The following ANKRD28 variants were observed in gnomAD, a reference collection of about 807,000 sequenced individuals.
The protein encoded by ANKRD28 is serine/threonine-protein phosphatase 6 regulatory ankyrin repeat subunit A.
In ANKRD28, 44 loss-of-function variants were observed where a neutral mutation model predicts 126.5. The observed-to-expected ratio is 0.35, with a 90% confidence interval of 0.27 to 0.45. The LOEUF is 0.45. ANKRD28 is among the 20% of genes least tolerant of loss of function. The pLI is 1.00. For synonymous variants in ANKRD28, 442 were observed against 468.5 expected (o/e 0.94, Z 0.73); for missense variants, 1,110 against 1,316.6 (o/e 0.84, Z 2.43).
chr3:15,707,120 AT>A (rs2071546766), intron 14 of ANKRD28, among the ~76,000 whole-genome samples: 1 of 152,214 alleles, frequency 6.6e-6, no homozygotes, highest in Non-Finnish European at 1.5e-5. Context: ...TATGAAGTAC[AT>A]TTTATAACAT....
At chr3:15,722,047 G>GT (rs575936972) in intron 7 of ANKRD28, among the ~76,000 whole-genome samples, 23 of 152,168 alleles carry the variant, frequency 1.5e-4, no homozygotes, top group African/African-American at 5.3e-4. Flanking sequence ...GCCCAGCCTT[G>GT]TTTTTCTATT....
intron 1 of ANKRD28, among the ~76,000 whole-genome samples, chr3:15,851,894 T>C (rs2061659705): frequency 1.3e-5 from 2 of 152,158 alleles, no homozygotes; most frequent in Non-Finnish European, 2.9e-5. Flanking sequence ...AACTGATGAA[T>C]GGATAAAGAA....
intron 3 of ANKRD28, among the ~76,000 whole-genome samples, chr3:15,757,983 A>AGTCT (rs2058256885): frequency 6.6e-6 from 1 of 152,174 alleles, no homozygotes; most frequent in Non-Finnish European, 1.5e-5. Flanking sequence ...ATCTTGCCAG[A>AGTCT]GTCTGTATGG....
At chr3:15,777,899 CA>C (rs1332491747) in intron 2 of ANKRD28, among the ~76,000 whole-genome samples, 115 of 147,516 alleles carry the variant, frequency 7.8e-4, no homozygotes, top group African/African-American at 2.3e-3. Context: ...CACACACACA[CA>C]CACCCTCTCC....
chr3:15,850,224 T>TATATATATATATATAGAGAG (rs1418223588), intron 1 of ANKRD28, among the ~76,000 whole-genome samples: 39 of 35,082 alleles, frequency 1.1e-3, no homozygotes, highest in Middle Eastern at 0.026. Flanking sequence ...TATATATATA[T>TATATATATATATATAGAGAG]AGAGAGAGAG....
chr3:15,850,224 T>TATATATATATATATATATATAGAGAG (rs1418223588), intron 1 of ANKRD28, among the ~76,000 whole-genome samples: 1 of 35,114 alleles, frequency 2.8e-5, no homozygotes, highest in Admixed American at 4.8e-4. Context: ...TATATATATA[T>TATATATATATATATATATATAGAGAG]AGAGAGAGAG....
At chr3:15,680,993 T>C (rs891672550) in intron 21 of ANKRD28, among the ~76,000 whole-genome samples, 1 of 152,166 alleles carries the variant, frequency 6.6e-6, no homozygotes, top group African/African-American at 2.4e-5. Context: ...GGAAGTATTT[T>C]TGTAGGACAA....
At chr3:15,702,816 AC>A (rs1349262679) in intron 14 of ANKRD28, among the ~76,000 whole-genome samples, 2 of 149,846 alleles carry the variant, frequency 1.3e-5, no homozygotes, top group African/African-American at 2.5e-5. Context: ...AGTTCTTACC[AC>A]CCCCCACCAC....
At chr3:15,800,817 T>C (rs534378522), upstream of ANKRD28, among the ~76,000 whole-genome samples, 3 of 152,086 alleles carry the variant, frequency 2.0e-5, no homozygotes, top group Non-Finnish European at 1.5e-5. Context: ...TGGTATATTA[T>C]AAAATCAAAA....
At chr3:15,850,224 TAGAGAGAGAGAGAGAGAGAGAG>T (rs375278547) in intron 1 of ANKRD28, among the ~76,000 whole-genome samples, 1 of 35,112 alleles carries the variant, frequency 2.8e-5, no homozygotes, top group Non-Finnish European at 6.0e-5. Context: ...TATATATATA[TAGAGAGAGAGAGAGAGAGAGAG>T]AGAGAGAGAG....
chr3:15,822,887 G>GA (rs1286940673), intron 1 of ANKRD28, among the ~76,000 whole-genome samples: 3 of 152,072 alleles, frequency 2.0e-5, no homozygotes, highest in Non-Finnish European at 4.4e-5. Flanking sequence ...CTGACAAAAA[G>GA]AAGACCCACA....
chr3:15,751,713 T>C, intron 4 of ANKRD28, 37 bp downstream of exon 4: 1 of 1,378,272 alleles, frequency 7.3e-7, no homozygotes, highest in Middle Eastern at 1.8e-4. Context: ...ATTTAATGTT[T>C]TCATATAAAA....
At chr3:15,692,854 A>G (rs2068987894) in intron 17 of ANKRD28, among the ~76,000 whole-genome samples, 1 of 152,244 alleles carries the variant, frequency 6.6e-6, no homozygotes, top group Non-Finnish European at 1.5e-5. Flanking sequence ...AAGAGAAGAA[A>G]GCAACCCAGC....
intron 8 of ANKRD28, among the ~76,000 whole-genome samples, chr3:15,720,663 T>C (rs759112715): frequency 2.0e-5 from 3 of 152,072 alleles, no homozygotes; most frequent in Non-Finnish European, 4.4e-5. Context: ...ATGGCAATAA[T>C]TGTTGTGATT....
intron 27 of ANKRD28, among the ~76,000 whole-genome samples, chr3:15,672,878 C>T (rs1479406665): frequency 8.5e-5 from 13 of 152,186 alleles, no homozygotes; most frequent in African/African-American, 2.9e-4. Context: ...TGGGTTCAAG[C>T]GATTCTCTTG....
intron 8 of ANKRD28, 47 bp from the exon 9 acceptor site, chr3:15,714,703 T>G: frequency 7.2e-7 from 1 of 1,383,032 alleles, no homozygotes; most frequent in Non-Finnish European, 9.9e-7. Context: ...ATCCATAATG[T>G]GTAAACCTTA....
chr3:15,767,383 A>T (rs2345734), intron 2 of ANKRD28, among the ~76,000 whole-genome samples: 103,978 of 152,020 alleles, frequency 0.68, 35,943 homozygotes, highest in East Asian at 0.93. Context: ...TGTGACAGAT[A>T]GTTAGTTGTT....
intron 1 of ANKRD28, among the ~76,000 whole-genome samples, chr3:15,847,236 T>A (rs1044298109): frequency 2.6e-5 from 4 of 152,170 alleles, no homozygotes; most frequent in African/African-American, 9.7e-5. Context: ...AAGAATGTAC[T>A]AAATAAAGAA....
intron 4 of ANKRD28, among the ~76,000 whole-genome samples, chr3:15,742,633 G>A (rs1305913113): frequency 2.3e-4 from 18 of 78,262 alleles, no homozygotes; most frequent in Non-Finnish European, 4.2e-4. Flanking sequence ...CAGGCCAGCC[G>A]CCCCGTCCGG....
Sources: allele counts gnomAD v4.1 joint callset (sites outside exome capture counted in the v4.1 genomes callset), GRCh38; gene constraint gnomAD v4.1.1; transcripts MANE v1.5; gene names NCBI Gene and HGNC (gene_info 2026-07-23, HGNC 2026-07-21).